Variants in FAM72D observed in about 807,000 individuals in gnomAD.
FAM72D encodes the protein protein FAM72D.
For missense variants in FAM72D, 9 were observed against 104.7 expected (o/e 0.09, Z 3.99); for synonymous variants, 4 against 35.1 (o/e 0.11, Z 3.13).
chr1:145,100,691 C>T (rs1169171623), intron 2 of FAM72D, among the ~76,000 whole-genome samples: 2 of 147,480 alleles, frequency 1.4e-5, no homozygotes, highest in African/African-American at 2.6e-5. Context: ...AGGGTTTCAC[C>T]GTGTTGCCCA....
chr1:145,100,810 AT>A, intron 2 of FAM72D, among the ~76,000 whole-genome samples: 2 of 150,690 alleles, frequency 1.3e-5, no homozygotes, highest in East Asian at 3.9e-4. Context: ...TAATTTTTGT[AT>A]TTTTAGTAGA....
At chr1:145,100,776 G>A (rs1366460730) in intron 2 of FAM72D, among the ~76,000 whole-genome samples, 1 of 150,584 alleles carries the variant, frequency 6.6e-6, no homozygotes, top group Non-Finnish European at 1.5e-5. Flanking sequence ...ACAGGCGTGA[G>A]CCACCGCACC....
intron 3 of FAM72D, among the ~76,000 whole-genome samples, chr1:145,106,085 T>C (rs1280583932): frequency 7.0e-5 from 9 of 128,072 alleles, no homozygotes; most frequent in African/African-American, 2.1e-4. Flanking sequence ...CCTGAACTTG[T>C]ATGTTATAGA....
chr1:145,102,699 G>A (rs1178537594), intron 2 of FAM72D, among the ~76,000 whole-genome samples: 2 of 106,218 alleles, frequency 1.9e-5, no homozygotes, highest in East Asian at 2.5e-4. Context: ...CCTGGGAGGC[G>A]GAGGTTGCAG....
At chr1:145,104,057 G>A (rs2102548773) in intron 3 of FAM72D, among the ~76,000 whole-genome samples, 1 of 143,896 alleles carries the variant, frequency 6.9e-6, no homozygotes, top group East Asian at 2.1e-4. Context: ...AGGCTGAGGT[G>A]GGAGGATCAC....
rs1310185978 is a variant in FAM72D at position 145,105,821 on chromosome 1, G to A, written c.355+2690G>A. 4.9e-4 allele frequency among the ~76,000 whole-genome samples: 71 copies of A among 143,662 alleles called. 1 individual carries two copies. The highest frequency in any genetic ancestry group is 1.5e-3 in the African/African-American group (59 of 38,852). 94.2% of individuals were successfully genotyped at this position (143,662 alleles called of 152,430 possible). A position where few individuals can be genotyped will look rare whatever the true frequency, so the allele number is the denominator to read the frequency against. ...TACAAAATTAGCTGGGCATGGTGGC[G>A]CATGCCTATAATCCCAGCTACTTGG... On this transcript the variant is annotated intron_variant, in intron 3 of 3. Coordinates refer to ENST00000400889, the MANE Select transcript of FAM72D (RefSeq NM_207418.3).
intron 3 of FAM72D, among the ~76,000 whole-genome samples, chr1:145,107,388 G>A (rs1553638552): frequency 8.3e-6 from 1 of 119,832 alleles, no homozygotes; most frequent in Non-Finnish European, 1.7e-5. Context: ...GAGATTACAG[G>A]CATACGCCCA....
intron 2 of FAM72D, among the ~76,000 whole-genome samples, chr1:145,100,578 G>A (rs1393823698): frequency 7.6e-5 from 10 of 130,972 alleles, no homozygotes; most frequent in African/African-American, 3.0e-4. Flanking sequence ...TGCAACCTCC[G>A]CCTCCCAGGT....
chr1:145,107,152 A>T (rs1341681218), intron 3 of FAM72D, among the ~76,000 whole-genome samples: 1 of 147,486 alleles, frequency 6.8e-6, no homozygotes, highest in Non-Finnish European at 1.5e-5. Flanking sequence ...AAAAAAAAAA[A>T]ATTATTTTAG....
At chr1:145,100,657 A>G (rs1342617767) in intron 2 of FAM72D, among the ~76,000 whole-genome samples, 1 of 142,450 alleles carries the variant, frequency 7.0e-6, no homozygotes, top group Non-Finnish European at 1.5e-5. Flanking sequence ...ATGCCCAGCT[A>G]ATTTTTCATA....
At chr1:145,097,105 C>G in intron 1 of FAM72D, 106 bp downstream of exon 1, 1 of 1,355,696 alleles carries the variant, frequency 7.4e-7, no homozygotes, top group Non-Finnish European at 1.0e-6. Flanking sequence ...GGTGTTTCAG[C>G]CACTCCCACC....
chr1:145,105,729 G>T (rs1300846610), intron 3 of FAM72D, among the ~76,000 whole-genome samples: 1 of 150,624 alleles, frequency 6.6e-6, no homozygotes, highest in African/African-American at 2.5e-5. Context: ...AAGGCGGGCA[G>T]ATCACCTGAG....
Position 145,112,439 on chromosome 1 carries a change from T to G in FAM72D, c.*842T>G, listed in dbSNP as rs1387961518. The G allele has an allele frequency of 1.3e-5, 2 of 149,946 alleles. No individual in the cohort carries two copies. The highest frequency in any genetic ancestry group is 2.9e-5 in the Non-Finnish European group (2 of 67,904). 9.3% of individuals were successfully genotyped at this position (149,946 alleles called of 1,614,324 possible). On this transcript the variant is annotated 3_prime_UTR_variant, in exon 4 of 4. Transcript: ENST00000400889. ...TTTGTTTTGCTTTGCTTTGCTTTGT[T>G]TTGTTTTTTTAAAGCTGCATTCAGA...
At chr1:145,102,861 A>AC (rs1654778989) in intron 2 of FAM72D, 146 bp from the exon 3 acceptor site, 1 of 183,692 alleles carries the variant, frequency 5.4e-6, no homozygotes. Flanking sequence ...GTAGAACTGC[A>AC]CCCCCATCCC....
chr1:145,107,368 C>A (rs2102556603), intron 3 of FAM72D, among the ~76,000 whole-genome samples: 1 of 118,642 alleles, frequency 8.4e-6, no homozygotes, highest in African/African-American at 3.3e-5. Flanking sequence ...GCCTCAGCCT[C>A]CCGAGTAGCG....
intron 2 of FAM72D, among the ~76,000 whole-genome samples, chr1:145,102,747 CAATAATAAT>C (rs199492496): frequency 1.6e-3 from 178 of 114,354 alleles, no homozygotes; most frequent in Non-Finnish European, 1.7e-3. Context: ...AACTCGGTCT[CAATAATAAT>C]AATAATAATA....
In FAM72D at chr1:145,102,795, A is replaced by T. The variant is rs587700691; in HGVS notation, c.231-212A>T. 9.9e-5 allele frequency among the ~76,000 whole-genome samples: 13 copies of T among 131,242 alleles called. 1 individual carries two copies. In the East Asian group the frequency reaches 2.8e-3, roughly 28 times the overall value. 86.1% of individuals were successfully genotyped at this position (131,242 alleles called of 152,430 possible). On this transcript the variant is annotated intron_variant, in intron 2 of 3. Coordinates refer to ENST00000400889, the MANE Select transcript of FAM72D (RefSeq NM_207418.3). ...ATAATAATAATAATAATAATAGCAA[A>T]GAAATGTGAGAATATTTTACTATTA...
intron 3 of FAM72D, among the ~76,000 whole-genome samples, chr1:145,104,017 T>TG (rs1366819086): frequency 7.4e-6 from 1 of 135,116 alleles, no homozygotes; most frequent in African/African-American, 3.0e-5. Context: ...CCAGGCATCG[T>TG]GGGGCATACT....
At chr1:145,100,772 G>A (rs868963006) in intron 2 of FAM72D, among the ~76,000 whole-genome samples, 55 of 149,638 alleles carry the variant, frequency 3.7e-4, no homozygotes, top group South Asian at 1.1e-3. Context: ...GATTACAGGC[G>A]TGAGCCACCG....
Sources: allele counts gnomAD v4.1 joint callset (sites outside exome capture counted in the v4.1 genomes callset), GRCh38; gene constraint gnomAD v4.1.1; transcripts MANE v1.5; gene names NCBI Gene and HGNC (gene_info 2026-07-23, HGNC 2026-07-21).